Variants in HSF2BP observed in about 807,000 individuals in gnomAD.
HSF2BP encodes the protein heat shock transcription factor 2 binding protein.
In HSF2BP, 35 loss-of-function variants were observed where a neutral mutation model predicts 35.0. The observed-to-expected ratio is 1.00, with a 90% confidence interval of 0.76 to 1.32. HSF2BP has a LOEUF of 1.32. HSF2BP is among the 40% of genes most tolerant of loss of function. The pLI is 0.00. For missense variants in HSF2BP, 326 were observed against 321.7 expected, an observed-to-expected ratio of 1.01 and a Z score of -0.10; for synonymous variants, 114 against 117.4, an observed-to-expected ratio of 0.97 and a Z score of 0.18.
intron 3 of HSF2BP, among the ~76,000 whole-genome samples, chr21:43,654,636 G>C (rs1435251542): frequency 6.6e-6 from 1 of 152,166 alleles, no homozygotes; most frequent in East Asian, 1.9e-4. Flanking sequence ...GGCGACCTTA[G>C]ACTGATTAGG....
chr21:43,615,193 T>A (rs2082255754), intron 6 of HSF2BP, among the ~76,000 whole-genome samples: 1 of 152,212 alleles, frequency 6.6e-6, no homozygotes, highest in Admixed American at 6.5e-5. Context: ...CTAAGCCAAA[T>A]GACGAGACCA....
At chr21:43,642,664 A>G (rs2082652946) in intron 4 of HSF2BP, among the ~76,000 whole-genome samples, 1 of 152,220 alleles carries the variant, frequency 6.6e-6, no homozygotes, top group Non-Finnish European at 1.5e-5. Flanking sequence ...ATAAATAGGG[A>G]ATAGTTGGGT....
intron 2 of HSF2BP, chr21:43,657,742 G>A (rs2082894477): frequency 1.3e-6 from 1 of 751,730 alleles, no homozygotes; most frequent in Non-Finnish European, 1.6e-6. Context: ...GGCCTTCGGA[G>A]GGGAACTGGG....
At chr21:43,600,942 A>G (rs566620395) in intron 7 of HSF2BP, among the ~76,000 whole-genome samples, 33 of 152,186 alleles carry the variant, frequency 2.2e-4, no homozygotes, top group Non-Finnish European at 3.2e-4. Context: ...GCAATCTTCC[A>G]CGCCATGGTG....
intron 6 of HSF2BP, among the ~76,000 whole-genome samples, chr21:43,623,181 T>C (rs1238251690): frequency 6.6e-6 from 1 of 151,822 alleles, no homozygotes; most frequent in Non-Finnish European, 1.5e-5. Flanking sequence ...TATAAACACA[T>C]GGAAATTAAA....
chr21:43,636,857 A>C (rs2082565956), intron 4 of HSF2BP, among the ~76,000 whole-genome samples: 1 of 148,854 alleles, frequency 6.7e-6, no homozygotes, highest in Non-Finnish European at 1.5e-5. Context: ...ACACCACTAC[A>C]CTCCAGCCTG....
chr21:43,621,151 G>A (rs1214642178), intron 6 of HSF2BP, among the ~76,000 whole-genome samples: 1 of 152,182 alleles, frequency 6.6e-6, no homozygotes, highest in Non-Finnish European at 1.5e-5. Flanking sequence ...GAAATAAAGA[G>A]AGAAACTTAA....
chr21:43,573,822 G>A (rs1601603493), intron 8 of HSF2BP, among the ~76,000 whole-genome samples: 3 of 152,192 alleles, frequency 2.0e-5, no homozygotes, highest in Non-Finnish European at 2.9e-5. Flanking sequence ...TGGGCATCTC[G>A]GGGCTCATCT....
intron 4 of HSF2BP, among the ~76,000 whole-genome samples, chr21:43,634,661 A>T (rs533218242): frequency 1.3e-5 from 2 of 152,330 alleles, no homozygotes; most frequent in South Asian, 4.1e-4. Context: ...CGTTTGGCAC[A>T]CAGAGATTCA....
chr21:43,657,911 G>A (rs1601743140), intron 2 of HSF2BP, 150 bp downstream of exon 2: 1 of 1,457,258 alleles, frequency 6.9e-7, no homozygotes, highest in African/African-American at 1.4e-5. Flanking sequence ...CCCCGCTCCG[G>A]CCCAGCCCAC....
intron 4 of HSF2BP, among the ~76,000 whole-genome samples, chr21:43,642,280 T>A (rs956911179): frequency 3.9e-5 from 6 of 152,174 alleles, no homozygotes; most frequent in Middle Eastern, 3.4e-3. Flanking sequence ...GGAGGATCGC[T>A]TAAGCCCAGG....
the HSF2BP span, among the ~76,000 whole-genome samples, chr21:43,507,505 T>C: frequency 4.2e-5 from 1 of 23,530 alleles, no homozygotes; most frequent in Admixed American, 3.6e-4. Context: ...AAAAGGTAAC[T>C]TAACTCTTTG....
At chr21:43,585,229 T>G (rs1428171695) in intron 8 of HSF2BP, among the ~76,000 whole-genome samples, 1 of 152,154 alleles carries the variant, frequency 6.6e-6, no homozygotes, top group Non-Finnish European at 1.5e-5. Flanking sequence ...GAGGATCCCA[T>G]GAGCCCAGGA....
intron 8 of HSF2BP, among the ~76,000 whole-genome samples, chr21:43,578,933 G>A (rs1467005657): frequency 6.6e-6 from 1 of 152,214 alleles, no homozygotes; most frequent in Admixed American, 6.5e-5. Context: ...GGCCAGGACC[G>A]CCTCTGGGAT....
At chr21:43,613,468 A>G (rs953080350) in intron 7 of HSF2BP, among the ~76,000 whole-genome samples, 1 of 152,222 alleles carries the variant, frequency 6.6e-6, no homozygotes, top group African/African-American at 2.4e-5. Context: ...TGAAATAATA[A>G]ATGGTGTTGT....
chr21:43,627,825 T>C (rs961907805), intron 6 of HSF2BP, among the ~76,000 whole-genome samples: 14 of 152,244 alleles, frequency 9.2e-5, no homozygotes, highest in African/African-American at 3.4e-4. Context: ...GTGCCATTTT[T>C]CCAACAGTGT....
intron 8 of HSF2BP, among the ~76,000 whole-genome samples, chr21:43,578,428 C>T (rs893381314): frequency 1.3e-5 from 2 of 151,770 alleles, no homozygotes; most frequent in East Asian, 1.9e-4. Context: ...ATATGATCCA[C>T]GAAAGGGAGG....
At chr21:43,649,411 T>C (rs989885508) in intron 3 of HSF2BP, among the ~76,000 whole-genome samples, 2 of 151,532 alleles carry the variant, frequency 1.3e-5, no homozygotes, top group African/African-American at 4.9e-5. Flanking sequence ...CCAGCCTGGG[T>C]GACAGAGGGA....
At chr21:43,505,369 C>T in the HSF2BP span, among the ~76,000 whole-genome samples, 618 of 109,232 alleles carry the variant, frequency 5.7e-3, 169 homozygotes, top group Non-Finnish European at 9.4e-3. Context: ...CATTTTCACT[C>T]AGTCTTAACG....
Sources: allele counts gnomAD v4.1 joint callset (sites outside exome capture counted in the v4.1 genomes callset), GRCh38; gene constraint gnomAD v4.1.1; transcripts MANE v1.5; gene names NCBI Gene and HGNC (gene_info 2026-07-23, HGNC 2026-07-21).